The following BMAL1 variants were observed in gnomAD, a reference collection of about 807,000 sequenced individuals.
BMAL1 encodes basic helix-loop-helix ARNT-like protein 1.
the BMAL1 span, among the ~76,000 whole-genome samples, chr11:13,355,706 G>T: frequency 1.3e-5 from 2 of 152,212 alleles, no homozygotes; most frequent in African/African-American, 2.4e-5. Flanking sequence ...ACAAAAGGGA[G>T]AGGGGAGTTT....
chr11:13,348,056 C>T, the BMAL1 span, among the ~76,000 whole-genome samples: 2 of 152,090 alleles, frequency 1.3e-5, no homozygotes, highest in Admixed American at 6.5e-5. Flanking sequence ...GGTCACAGGG[C>T]GTGAAGGAGC....
At chr11:13,312,677 C>A in the BMAL1 span, among the ~76,000 whole-genome samples, 2 of 152,210 alleles carry the variant, frequency 1.3e-5, no homozygotes, top group African/African-American at 4.8e-5. Context: ...CCAATTACCT[C>A]CAGCTTTGAG....
chr11:13,314,337 A>G, the BMAL1 span, among the ~76,000 whole-genome samples: 1 of 150,688 alleles, frequency 6.6e-6, no homozygotes, highest in African/African-American at 2.4e-5. Flanking sequence ...TTTTTGTTGT[A>G]AGAGTGAGGA....
At chr11:13,360,518 C>CT in the BMAL1 span, 11,647 of 984,982 alleles carry the variant, frequency 0.012, 4 homozygotes, top group South Asian at 0.014. Flanking sequence ...CAACACTGAG[C>CT]TTTTTTTTTT....
At chr11:13,299,697 G>A in the BMAL1 span, among the ~76,000 whole-genome samples, 2 of 152,292 alleles carry the variant, frequency 1.3e-5, no homozygotes, top group African/African-American at 2.4e-5. Flanking sequence ...GGCACGCAGA[G>A]CCCATGCTCT....
At chr11:13,277,557 C>G in the BMAL1 span, 1 of 152,044 alleles carries the variant, frequency 6.6e-6, no homozygotes, top group Non-Finnish European at 1.5e-5. Context: ...TCAGCGGCCT[C>G]TCTAGCCGCC....
chr11:13,356,435 T>C, the BMAL1 span: 2 of 573,482 alleles, frequency 3.5e-6, no homozygotes, highest in South Asian at 1.7e-5. Context: ...TAAGCATTTT[T>C]ATAAACACTA....
At chr11:13,286,458 T>A in the BMAL1 span, among the ~76,000 whole-genome samples, 161 of 152,316 alleles carry the variant, frequency 1.1e-3, no homozygotes, top group Non-Finnish European at 2.0e-3. Context: ...TTTGAGTAAG[T>A]TATCCTCTTT....
the BMAL1 span, chr11:13,381,396 G>A: frequency 1.3e-6 from 1 of 786,256 alleles, no homozygotes; most frequent in Non-Finnish European, 2.1e-6. Context: ...ATCTGTGTGA[G>A]GCTGGATACA....
chr11:13,348,554 C>T, the BMAL1 span, among the ~76,000 whole-genome samples: 1 of 151,868 alleles, frequency 6.6e-6, no homozygotes, highest in Non-Finnish European at 1.5e-5. Flanking sequence ...GAAGGAAGCC[C>T]AGGGTAGGTT....
chr11:13,359,782 A>G, the BMAL1 span, among the ~76,000 whole-genome samples: 1 of 152,270 alleles, frequency 6.6e-6, no homozygotes, highest in Admixed American at 6.5e-5. Flanking sequence ...GTCCCCTTTC[A>G]GTCCTGGGAG....
the BMAL1 span, among the ~76,000 whole-genome samples, chr11:13,355,552 T>C: frequency 1.3e-5 from 2 of 152,234 alleles, no homozygotes; most frequent in Non-Finnish European, 2.9e-5. Flanking sequence ...TAATCTTCTG[T>C]AATTCATGGA....
At chr11:13,360,173 A>C in the BMAL1 span, among the ~76,000 whole-genome samples, 3 of 152,230 alleles carry the variant, frequency 2.0e-5, no homozygotes, top group African/African-American at 4.8e-5. Flanking sequence ...TTTGGCTTAC[A>C]GGATTCTGTC....
chr11:13,364,340 TCTCA>T, the BMAL1 span, among the ~76,000 whole-genome samples: 1 of 152,234 alleles, frequency 6.6e-6, no homozygotes, highest in Non-Finnish European at 1.5e-5. Context: ...TCTGTTCCCC[TCTCA>T]CTCATTTCTT....
At chr11:13,358,494 A>G in the BMAL1 span, 1 of 1,613,386 alleles carries the variant, frequency 6.2e-7, no homozygotes, top group East Asian at 2.2e-5. Context: ...TTATAGATGA[A>G]TTGGCTTCTT....
the BMAL1 span, among the ~76,000 whole-genome samples, chr11:13,341,676 C>A: frequency 6.6e-6 from 1 of 152,236 alleles, no homozygotes; most frequent in Non-Finnish European, 1.5e-5. Context: ...CAACTTCAGG[C>A]AGTAAGTTTT....
chr11:13,384,124 AAATG>A, the BMAL1 span, among the ~76,000 whole-genome samples: 4 of 151,928 alleles, frequency 2.6e-5, no homozygotes, highest in African/African-American at 4.8e-5. Flanking sequence ...TTTTTTTTGG[AAATG>A]AATGAAGTGA....
the BMAL1 span, among the ~76,000 whole-genome samples, chr11:13,280,255 T>G: frequency 6.6e-6 from 1 of 152,378 alleles, no homozygotes; most frequent in East Asian, 1.9e-4. Context: ...CTTACGAGTT[T>G]GTCTGCTATT....
At chr11:13,352,533 G>C in the BMAL1 span, among the ~76,000 whole-genome samples, 7 of 152,302 alleles carry the variant, frequency 4.6e-5, no homozygotes, top group South Asian at 1.5e-3. Context: ...GCTCTTGTTG[G>C]GGATAGAAAT....
Sources: allele counts gnomAD v4.1 joint callset (sites outside exome capture counted in the v4.1 genomes callset), GRCh38; gene constraint gnomAD v4.1.1; transcripts MANE v1.5; gene names NCBI Gene and HGNC (gene_info 2026-07-23, HGNC 2026-07-21).